Variants in CRTC3 observed in about 807,000 individuals in gnomAD.
CRTC3 encodes CREB-regulated transcription coactivator 3.
In CRTC3, 26 loss-of-function variants were observed where a neutral mutation model predicts 74.5. The ratio of observed to expected loss-of-function variants is 0.35; its 90% CI spans 0.26 to 0.48. The LOEUF (loss-of-function observed/expected upper bound fraction) is 0.48. CRTC3 is among the 20% of genes least tolerant of loss of function. The pLI is 0.99. For missense variants in CRTC3, 760 were observed against 787.3 expected (o/e 0.97, Z 0.41); for synonymous variants, 377 against 325.8 (o/e 1.16, Z -1.69).
At chr15:90,581,241 C>G (rs982694860) in intron 2 of CRTC3, among the ~76,000 whole-genome samples, 4 of 152,176 alleles carry the variant, frequency 2.6e-5, no homozygotes, top group Admixed American at 2.0e-4. Context: ...CTGTGTGTGT[C>G]TTTTCATGAG....
Position 90,625,887 on chromosome 15 carries a change from A to G in CRTC3, c.861A>G (p.Pro287=). The change falls in exon 10 of 15, where the codon CCA becomes CCG. Residue 287 remains proline, a synonymous_variant. Transcript: ENST00000268184. ...LTNLHYSTPL[P]ASLDTTDHHF... is the part of the protein sequence containing the mutation. ...ACCTCCACTACTCGACACCCCTGCC[A>G]GCCTCCCTGGACACCACCGACCACC... The G allele has an allele frequency of 6.2e-7, 1 of 1,614,192 alleles. No individual in the cohort carries two copies. Among genetic ancestry groups the G allele is most frequent in the Non-Finnish European group, 8.5e-7 (1 of 1,180,030 alleles).
At chr15:90,625,458 A>G (rs1968800306) in intron 9 of CRTC3, among the ~76,000 whole-genome samples, 1 of 152,276 alleles carries the variant, frequency 6.6e-6, no homozygotes, top group African/African-American at 2.4e-5. Context: ...AAAGAACTAC[A>G]TAAATAGCAG....
intron 2 of CRTC3, among the ~76,000 whole-genome samples, chr15:90,578,987 A>G (rs768413484): frequency 1.3e-5 from 2 of 151,706 alleles, no homozygotes; most frequent in African/African-American, 4.9e-5. Flanking sequence ...TTGCCTGTAC[A>G]GTTGGTCCTC....
At chr15:90,568,280 A>G (rs998182249) in intron 2 of CRTC3, among the ~76,000 whole-genome samples, 16 of 152,226 alleles carry the variant, frequency 1.1e-4, no homozygotes, top group Non-Finnish European at 7.3e-5. Context: ...TGTTGTGACC[A>G]TTGTTAAAAT....
intron 9 of CRTC3, chr15:90,620,121 G>A (rs933025149): frequency 1.0e-5 from 3 of 293,292 alleles, no homozygotes; most frequent in South Asian, 3.8e-5. Flanking sequence ...TACCAGCCCC[G>A]AGCTGTGGCA....
chr15:90,604,282 C>A, intron 4 of CRTC3, 103 bp from the exon 5 acceptor site: 1 of 832,918 alleles, frequency 1.2e-6, no homozygotes, highest in Non-Finnish European at 2.1e-6. Flanking sequence ...TCTTGCAGAG[C>A]GAGGTGAGTA....
In CRTC3 at chr15:90,532,356, C is replaced by G. The variant is rs78875298; in HGVS notation, c.132+2153C>G. Among the ~76,000 whole-genome samples, 689 of 152,334 alleles carry G rather than the reference C, an allele frequency of 4.5e-3. 8 individuals carry two copies. The highest frequency in any genetic ancestry group is 0.016 in the African/African-American group (667 of 41,568). ...CAGCATGTCTATGAAGAATGCGTCTCTAAGGATCCAAAGATCCCAGTTGGA... is the reference window on the plus strand; with the variant it reads ...CAGCATGTCTATGAAGAATGCGTCTGTAAGGATCCAAAGATCCCAGTTGGA... On this transcript the variant is annotated intron_variant, in intron 1 of 14. Transcript: ENST00000268184.
chr15:90,604,308 A>T (rs1027699896), intron 4 of CRTC3, 77 bp from the exon 5 acceptor site: 1 of 1,104,798 alleles, frequency 9.1e-7, no homozygotes, highest in African/African-American at 1.5e-5. Context: ...GCCAGTTCTC[A>T]AATGCAAGTG....
Position 90,530,984 on chromosome 15 carries a change from G to T in CRTC3, c.132+781G>T, listed in dbSNP as rs533020253. On this transcript the variant is annotated intron_variant, in intron 1 of 14. Transcript: ENST00000268184. The surrounding 1 kb of genome is among the most constrained non-coding windows in gnomAD (Gnocchi z 6.2). ...CCGCGCAGGGTTGCAGAGAAGGGGG[G>T]TCAGCAGGAGTGGGGCTGGCCTTGA... is the stretch of plus-strand genomic sequence containing the variant. Among the ~76,000 whole-genome samples the T allele has an allele frequency of 6.6e-6, 1 of 152,164 alleles. No individual in the cohort carries two copies. Among genetic ancestry groups the T allele is most frequent in the East Asian group, 1.9e-4 (1 of 5,174 alleles).
chr15:90,607,419 C>T lies in CRTC3; in HGVS notation c.518C>T (p.Thr173Ile). The T allele has an allele frequency of 1.2e-6, 2 of 1,613,472 alleles. No individual in the cohort carries two copies. The highest frequency in any genetic ancestry group is 1.7e-6 in the Non-Finnish European group (2 of 1,179,688). The change falls in exon 6 of 15, where the codon ACC becomes ATC. Residue 173 changes from threonine (T) to isoleucine (I), a missense_variant. Around this residue, in one of 2 missense-constraint regions of CRTC3, gnomAD observed 652 missense variants for 635.2 expected, o/e 1.03. Coordinates refer to ENST00000268184, the MANE Select transcript of CRTC3 (RefSeq NM_022769.5). ...GCTCTTCACACGAGTGCTCTGAGTA[C>T]CAAGCCCCAGGACCCCTATGGAGGA... ...DSALHTSALS[T>I]KPQDPYGGGG... is the part of the protein sequence containing the mutation.
chr15:90,580,867 C>G (rs1163576062), intron 2 of CRTC3, among the ~76,000 whole-genome samples: 1 of 151,910 alleles, frequency 6.6e-6, no homozygotes, highest in African/African-American at 2.4e-5. Context: ...TTTTTGGTAG[C>G]TTGGTTCGTT....
chr15:90,544,403 C>T (rs1345355867), intron 2 of CRTC3, among the ~76,000 whole-genome samples: 1 of 152,220 alleles, frequency 6.6e-6, no homozygotes, highest in East Asian at 1.9e-4. Flanking sequence ...GTCATATTCA[C>T]AGGTTCTGGG....
In CRTC3 at chr15:90,607,256, T is replaced by G. The variant is rs556090285; in HGVS notation, c.477-122T>G. ...TTCAGGTAGGTCCTAACCCCTTATT[T>G]GATGGTTGATTATAAATCAGTTATT... On this transcript the variant is annotated intron_variant, in intron 5 of 14. Transcript: ENST00000268184. 4.8e-6 allele frequency: 3 copies of G among 630,958 alleles called. No individual in the cohort carries two copies. In the Admixed American group the frequency reaches 8.5e-5, roughly 18 times the overall value. The allele number at this position is 630,958 out of a possible 1,614,324, so 39.1% of individuals were successfully genotyped here. A position where few individuals can be genotyped will look rare whatever the true frequency, so the allele number is the denominator to read the frequency against.
At chr15:90,588,924 T>C (rs1967732296) in intron 2 of CRTC3, among the ~76,000 whole-genome samples, 1 of 152,236 alleles carries the variant, frequency 6.6e-6, no homozygotes, top group Admixed American at 6.5e-5. Flanking sequence ...GTGGAAGTTA[T>C]TATCATTTCC....
intron 2 of CRTC3, among the ~76,000 whole-genome samples, chr15:90,566,465 G>A (rs965894156): frequency 6.6e-6 from 1 of 151,366 alleles, no homozygotes; most frequent in Non-Finnish European, 1.5e-5. Context: ...CAGGAGAATT[G>A]CTTGAACCCA....
intron 2 of CRTC3, among the ~76,000 whole-genome samples, chr15:90,575,397 T>C (rs1014122067): frequency 1.3e-5 from 2 of 152,222 alleles, no homozygotes. Context: ...CCAGGTTTTT[T>C]GTTATAGTTA....
At chr15:90,641,269 A>G (rs1969431597) in intron 14 of CRTC3, 70 bp downstream of exon 14, 2 of 1,061,420 alleles carry the variant, frequency 1.9e-6, no homozygotes, top group Non-Finnish European at 2.9e-6. Context: ...TTCATAAGAG[A>G]GTTTAAACAA....
chr15:90,551,317 C>T (rs906105745), intron 2 of CRTC3, among the ~76,000 whole-genome samples: 2 of 116,504 alleles, frequency 1.7e-5, no homozygotes, highest in Admixed American at 1.8e-4. Context: ...TTGTCTTTAT[C>T]ACTTTCTACC....
intron 11 of CRTC3, among the ~76,000 whole-genome samples, chr15:90,630,031 T>C (rs1968981413): frequency 6.6e-6 from 1 of 152,230 alleles, no homozygotes; most frequent in Non-Finnish European, 1.5e-5. Flanking sequence ...GCCTAATTAA[T>C]GATTTTTTAT....
Sources: allele counts gnomAD v4.1 joint callset (sites outside exome capture counted in the v4.1 genomes callset), GRCh38; gene constraint gnomAD v4.1.1; regional missense constraint gnomAD v4.1.1; non-coding constraint Gnocchi (gnomAD v3.1); transcripts MANE v1.5; gene names NCBI Gene and HGNC (gene_info 2026-07-23, HGNC 2026-07-21).